PELI2: variants seen among roughly 807,000 people sequenced by gnomAD.
The protein encoded by PELI2 is pellino E3 ubiquitin protein ligase family member 2, also known as E3 ubiquitin-protein ligase pellino homolog 2.
In PELI2, 23 loss-of-function variants were observed where a neutral mutation model predicts 42.3. That is an observed-to-expected ratio of 0.54 (90% confidence interval 0.39 to 0.77). The LOEUF is 0.77. Ranked by LOEUF, PELI2 falls within the 30% of genes least tolerant of loss-of-function variation. The pLI is 0.00. For missense variants in PELI2, 463 were observed against 553.2 expected, an observed-to-expected ratio of 0.84 and a Z score of 1.64; for synonymous variants, 245 against 212.2, an observed-to-expected ratio of 1.15 and a Z score of -1.34.
intron 5 of PELI2, among the ~76,000 whole-genome samples, chr14:56,294,771 G>A (rs78802720): frequency 0.019 from 2,911 of 152,140 alleles, 105 homozygotes; most frequent in African/African-American, 0.067. Flanking sequence ...TACCACCACC[G>A]ATACTCTGCA....
At chr14:56,167,303 C>G (rs1884998697) in intron 1 of PELI2, among the ~76,000 whole-genome samples, 1 of 152,106 alleles carries the variant, frequency 6.6e-6, no homozygotes, top group Non-Finnish European at 1.5e-5. Flanking sequence ...ACCAATAATT[C>G]TTAGATTTGC....
chr14:56,220,797 G>A (rs940811631), intron 2 of PELI2, among the ~76,000 whole-genome samples: 1 of 152,120 alleles, frequency 6.6e-6, no homozygotes. Flanking sequence ...TGGGGAGTAG[G>A]AAGGAGGAAA....
At chr14:56,233,254 T>C (rs1360162110) in intron 2 of PELI2, among the ~76,000 whole-genome samples, 2 of 152,206 alleles carry the variant, frequency 1.3e-5, no homozygotes, top group African/African-American at 2.4e-5. Context: ...AAAAAACTAC[T>C]TTAAAGTTCA....
intron 2 of PELI2, among the ~76,000 whole-genome samples, chr14:56,235,545 C>A (rs1489015295): frequency 6.6e-6 from 1 of 152,232 alleles, no homozygotes; most frequent in Non-Finnish European, 1.5e-5. Flanking sequence ...GCCTAACTGT[C>A]CTAGTCTCAG....
intron 2 of PELI2, among the ~76,000 whole-genome samples, chr14:56,221,087 C>T (rs1277636067): frequency 6.6e-6 from 1 of 152,162 alleles, no homozygotes; most frequent in Non-Finnish European, 1.5e-5. Flanking sequence ...ACTGGCCATG[C>T]TTTCTAGAAA....
At chr14:56,220,765 GT>G (rs1486857784) in intron 2 of PELI2, among the ~76,000 whole-genome samples, 1 of 152,146 alleles carries the variant, frequency 6.6e-6, no homozygotes, top group African/African-American at 2.4e-5. Context: ...AGATGAGGAG[GT>G]GAAGGAGATT....
At chr14:56,244,677 G>T (rs1888089381) in intron 2 of PELI2, among the ~76,000 whole-genome samples, 1 of 151,910 alleles carries the variant, frequency 6.6e-6, no homozygotes, top group Non-Finnish European at 1.5e-5. Flanking sequence ...TTTTCCACTG[G>T]GCTGTGTAAA....
intron 1 of PELI2, among the ~76,000 whole-genome samples, chr14:56,151,345 A>G (rs1316141011): frequency 2.6e-5 from 4 of 152,058 alleles, no homozygotes; most frequent in African/African-American, 9.7e-5. Flanking sequence ...ACTTATCTTT[A>G]CCCCATGCTT....
In PELI2 at chr14:56,132,909, T is replaced by C. The variant is rs555546088; in HGVS notation, c.77+14172T>C. On this transcript the variant is annotated intron_variant, in intron 1 of 5. Coordinates refer to ENST00000267460, the MANE Select transcript of PELI2 (RefSeq NM_021255.3). ...GAACACTAATCATTAACACAGATCA[T>C]TTAGCTTTCTTCGCTAAAAAATTTG... Among the ~76,000 whole-genome samples, 7 of 152,356 alleles carry C rather than the reference T, an allele frequency of 4.6e-5. No individual in the cohort carries two copies. The East Asian group carries it at 1.2e-3, about 25-fold the overall frequency.
intron 2 of PELI2, among the ~76,000 whole-genome samples, chr14:56,228,457 CTTTTA>C (rs1433309173): frequency 6.6e-6 from 1 of 152,050 alleles, no homozygotes; most frequent in Non-Finnish European, 1.5e-5. Flanking sequence ...AGTTGAATAT[CTTTTA>C]TTTATTTTTA....
In PELI2 at chr14:56,118,648, CG is replaced by C; in HGVS notation, c.-12del. The stretch of plus-strand genomic sequence containing the variant: ...CGGCGTCGGCGGCGGCGTCGGCGGC[CG>C]AGCGGGGCTCCATGTTTTCCCCTGG... On this transcript the variant is annotated 5_prime_UTR_variant, in exon 1 of 6. Coordinates refer to ENST00000267460, the MANE Select transcript of PELI2 (RefSeq NM_021255.3). 7.2e-7 allele frequency: 1 copy of C among 1,394,496 alleles called. No homozygotes were observed. Among genetic ancestry groups the C allele is most frequent in the Non-Finnish European group, 9.4e-7 (1 of 1,067,998 alleles). 86.4% of individuals were successfully genotyped at this position (1,394,496 alleles called of 1,614,324 possible).
chr14:56,239,914 A>G (rs979287195), intron 2 of PELI2, among the ~76,000 whole-genome samples: 2 of 152,198 alleles, frequency 1.3e-5, no homozygotes, highest in African/African-American at 2.4e-5. Context: ...GATAATGTGA[A>G]GTAGACAATA....
rs1882940758 is a variant in PELI2, at chr14:56,118,651, G to T, written c.-10G>T. 6.4e-6 allele frequency: 9 copies of T among 1,411,942 alleles called. No individual in the cohort carries two copies. The South Asian group carries it at 1.2e-4, about 19-fold the overall frequency. 87.5% of individuals were successfully genotyped at this position (1,411,942 alleles called of 1,614,324 possible). A position where few individuals can be genotyped will look rare whatever the true frequency, so the allele number is the denominator to read the frequency against. On this transcript the variant is annotated 5_prime_UTR_variant, in exon 1 of 6. Transcript: ENST00000267460. ...CGTCGGCGGCGGCGTCGGCGGCCGA[G>T]CGGGGCTCCATGTTTTCCCCTGGCC...
intron 1 of PELI2, among the ~76,000 whole-genome samples, chr14:56,173,029 A>G (rs1885236046): frequency 6.6e-6 from 1 of 152,012 alleles, no homozygotes; most frequent in Admixed American, 6.6e-5. Flanking sequence ...TTTCTTGAGT[A>G]GCCTATATTA....
intron 2 of PELI2, among the ~76,000 whole-genome samples, chr14:56,262,220 T>C (rs1888737560): frequency 6.6e-6 from 1 of 152,246 alleles, no homozygotes; most frequent in Admixed American, 6.5e-5. Flanking sequence ...TATAATAACC[T>C]AACACTAACC....
At chr14:56,260,014 T>C (rs1045378634) in intron 2 of PELI2, among the ~76,000 whole-genome samples, 5 of 152,138 alleles carry the variant, frequency 3.3e-5, no homozygotes, top group Admixed American at 2.6e-4. Context: ...ATTATTGACA[T>C]ACCATATTCA....
intron 2 of PELI2, among the ~76,000 whole-genome samples, chr14:56,231,003 CAAAG>C (rs898697740): frequency 1.3e-4 from 20 of 152,200 alleles, no homozygotes; most frequent in East Asian, 5.8e-4. Context: ...TCAAAAGAGA[CAAAG>C]AAGGCCATTA....
intron 1 of PELI2, among the ~76,000 whole-genome samples, chr14:56,148,063 C>T (rs889937176): frequency 3.3e-5 from 5 of 152,178 alleles, no homozygotes; most frequent in African/African-American, 9.7e-5. Flanking sequence ...CCTGGTAAAT[C>T]CACTTCCTTG....
At chr14:56,215,162 T>C (rs1463374000) in intron 2 of PELI2, among the ~76,000 whole-genome samples, 2 of 152,236 alleles carry the variant, frequency 1.3e-5, no homozygotes, top group African/African-American at 4.8e-5. Flanking sequence ...TCAGAATAGA[T>C]TTCTATCAGC....
Sources: gnomAD v4.1 joint callset for allele counts (sites outside exome capture counted in the v4.1 genomes callset) on GRCh38, gnomAD v4.1.1 for gene constraint, MANE v1.5 for transcripts, NCBI Gene and HGNC (gene_info 2026-07-23, HGNC 2026-07-21) for gene names.